Variants in CACNA1A observed in about 807,000 individuals in gnomAD.
The protein encoded by CACNA1A is voltage-dependent P/Q-type calcium channel subunit alpha-1A.
In CACNA1A, 57 loss-of-function variants were observed where a neutral mutation model predicts 262.4. That is an observed-to-expected ratio of 0.22 (90% CI 0.18 to 0.27). The LOEUF (loss-of-function observed/expected upper bound fraction) is 0.27, where lower values mean the gene tolerates loss of function less well. Among genes scored for constraint, CACNA1A ranks in the 10% least tolerant of loss-of-function variants. CACNA1A has a pLI of 1.00. For missense variants in CACNA1A, 2,526 were observed against 3,562.8 expected (o/e 0.71, Z 7.41); for synonymous variants, 1,431 against 1,419.3 (o/e 1.01, Z -0.18).
At chr19:13,391,231 A>G (rs1388474767) in intron 3 of CACNA1A, among the ~76,000 whole-genome samples, 1 of 152,100 alleles carries the variant, frequency 6.6e-6, no homozygotes. Context: ...TCATGTAATC[A>G]TGTCTTTTTT....
At position 13,482,477 on chromosome 19, in the gene CACNA1A, C is replaced by T. The variant is rs562711483; in HGVS notation, c.293+23455G>A. ...CCGCTTGGGTGACAGAGTGAGACTC[C>T]GTCTCAAAAAAAAAAAAAGAATAGC... On this transcript the variant is annotated intron_variant, in intron 1 of 46. Coordinates refer to ENST00000360228, the MANE Select transcript of CACNA1A (RefSeq NM_001127222.2). Among the ~76,000 whole-genome samples, 5 of 119,420 alleles carry T rather than the reference C, an allele frequency of 4.2e-5. No homozygotes were observed. In the South Asian group the frequency reaches 1.0e-3, roughly 25 times the overall value. The allele number at this position is 119,420 out of a possible 152,430, so 78.3% of individuals were successfully genotyped here.
chr19:13,258,498 C>T (rs1255000260), intron 27 of CACNA1A: 1 of 152,184 alleles, frequency 6.6e-6, no homozygotes, highest in Non-Finnish European at 1.5e-5. Flanking sequence ...CCTTCAGTGC[C>T]TTGTTTGAAC....
chr19:13,290,623 G>C (rs2144908742), intron 19 of CACNA1A, among the ~76,000 whole-genome samples: 1 of 152,040 alleles, frequency 6.6e-6, no homozygotes, highest in Non-Finnish European at 1.5e-5. Context: ...TGTTGTTCAG[G>C]CTGGTATTGA....
intron 36 of CACNA1A, chr19:13,228,892 T>C: frequency 1.7e-6 from 1 of 605,714 alleles, no homozygotes; most frequent in Non-Finnish European, 2.9e-6. Flanking sequence ...GGGGTGTCCC[T>C]GGCTTGAAGG....
intron 15 of CACNA1A, among the ~76,000 whole-genome samples, chr19:13,304,200 A>G (rs1207717956): frequency 6.6e-6 from 1 of 151,994 alleles, no homozygotes; most frequent in Non-Finnish European, 1.5e-5. Flanking sequence ...TATGGACTAA[A>G]TTGTGCCCGC....
chr19:13,427,895 C>G (rs2060433353), intron 3 of CACNA1A, among the ~76,000 whole-genome samples: 1 of 152,142 alleles, frequency 6.6e-6, no homozygotes, highest in Non-Finnish European at 1.5e-5. Context: ...GTTACTTAAC[C>G]TCTCTGGGCA....
chr19:13,251,078 G>A (rs1210603960), intron 30 of CACNA1A, among the ~76,000 whole-genome samples: 1 of 149,072 alleles, frequency 6.7e-6, no homozygotes, highest in East Asian at 2.0e-4. Context: ...GTTTCAGTGA[G>A]CCAAGATTGT....
intron 19 of CACNA1A, among the ~76,000 whole-genome samples, chr19:13,292,315 G>A (rs2057558747): frequency 6.6e-6 from 1 of 152,008 alleles, no homozygotes; most frequent in Non-Finnish European, 1.5e-5. Context: ...TGAATAAAAA[G>A]GAAAAAAATA....
Position 13,253,104 on chromosome 19 carries a change from AG to A in CACNA1A, c.4756-4del, listed in dbSNP as rs752161961. 2.4e-5 allele frequency: 38 copies of A among 1,592,330 alleles called. No homozygotes were observed. In the East Asian group the frequency reaches 8.5e-4, roughly 36 times the overall value. ...TAAGCAACAGAAGCCCCATAGAACTAGGGGAAAGAAGCAGGAGTAGCAGGGG... is the reference window on the plus strand; with the variant it reads ...TAAGCAACAGAAGCCCCATAGAACTAGGGAAAGAAGCAGGAGTAGCAGGGG... On this transcript the variant is annotated splice_polypyrimidine_tract_variant and splice_region_variant and intron_variant, in intron 29 of 46. Transcript: ENST00000360228.
intron 6 of CACNA1A, among the ~76,000 whole-genome samples, chr19:13,342,447 A>G (rs560800368): frequency 3.0e-4 from 45 of 152,276 alleles, no homozygotes; most frequent in Middle Eastern, 3.4e-3. Context: ...TGTTAAATTC[A>G]TTAATATTGG....
chr19:13,401,870 TCTCA>T (rs1279279114), intron 3 of CACNA1A, among the ~76,000 whole-genome samples: 1 of 152,138 alleles, frequency 6.6e-6, no homozygotes, highest in Non-Finnish European at 1.5e-5. Flanking sequence ...AGAGATGGTG[TCTCA>T]CTGTGTTGCC....
intron 4 of CACNA1A, among the ~76,000 whole-genome samples, chr19:13,367,118 A>G (rs1340491817): frequency 1.3e-5 from 2 of 151,482 alleles, no homozygotes; most frequent in African/African-American, 4.9e-5. Flanking sequence ...ACATGGTGAA[A>G]CCCCATCTCT....
intron 35 of CACNA1A, among the ~76,000 whole-genome samples, chr19:13,231,472 C>T (rs568306754): frequency 6.6e-6 from 1 of 152,170 alleles, no homozygotes; most frequent in South Asian, 2.1e-4. Flanking sequence ...GGGGGGAGGA[C>T]AGGGATGCTG....
chr19:13,373,542 G>T (rs2059358567), intron 3 of CACNA1A, among the ~76,000 whole-genome samples: 1 of 152,158 alleles, frequency 6.6e-6, no homozygotes, highest in African/African-American at 2.4e-5. Context: ...TGAGTTCCAC[G>T]TGGGCTCCCA....
In CACNA1A at chr19:13,308,169, G is replaced by A. The variant is rs2057947524; in HGVS notation, c.1864C>T (p.Leu622=). Residue 622 remains leucine, a synonymous_variant, in exon 14 of 47, where the codon CTG becomes TTG. Coordinates refer to ENST00000360228, the MANE Select transcript of CACNA1A (RefSeq NM_001127222.2). This position sits in a 1 kb window ranked among gnomAD's most constrained non-coding sequence, Gnocchi z 4.2. ...SIISLLFLLF[L]FIVVFALLGM... Reference sequence around the variant, plus strand: ...AAAAGGGCGAAGACGACAATGAACAGGAAAAGGAGAAACAACAGGCTGATG... The same window carrying A: ...AAAAGGGCGAAGACGACAATGAACAAGAAAAGGAGAAACAACAGGCTGATG... 2 of 1,613,870 alleles carry A rather than the reference G, an allele frequency of 1.2e-6. No individual in the cohort carries two copies. Among genetic ancestry groups the A allele is most frequent in the Non-Finnish European group, 1.7e-6 (2 of 1,179,892 alleles).
At chr19:13,396,462 C>T (rs1245735158) in intron 3 of CACNA1A, among the ~76,000 whole-genome samples, 1 of 152,156 alleles carries the variant, frequency 6.6e-6, no homozygotes, top group Non-Finnish European at 1.5e-5. Context: ...GCTGCGCCGG[C>T]CCCTAGAACT....
At chr19:13,345,064 G>A (rs1249168728) in intron 6 of CACNA1A, among the ~76,000 whole-genome samples, 1 of 151,990 alleles carries the variant, frequency 6.6e-6, no homozygotes, top group East Asian at 1.9e-4. Flanking sequence ...CAGCTTGGTG[G>A]ATCATTTAAA....
At chr19:13,427,656 C>G (rs975211183) in intron 3 of CACNA1A, among the ~76,000 whole-genome samples, 2 of 152,022 alleles carry the variant, frequency 1.3e-5, no homozygotes, top group Non-Finnish European at 2.9e-5. Context: ...TGAAAAACAA[C>G]CCTTTTAGGA....
intron 5 of CACNA1A, among the ~76,000 whole-genome samples, chr19:13,360,095 T>C (rs914092589): frequency 2.6e-5 from 4 of 151,728 alleles, no homozygotes; most frequent in African/African-American, 9.7e-5. Context: ...AGGCTATAAA[T>C]TGCCTTTAAG....
Sources: gnomAD v4.1 joint callset for allele counts (sites outside exome capture counted in the v4.1 genomes callset) on GRCh38, gnomAD v4.1.1 for gene constraint, Gnocchi (gnomAD v3.1) non-coding constraint, MANE v1.5 for transcripts, NCBI Gene and HGNC (gene_info 2026-07-23, HGNC 2026-07-21) for gene names.